NCAM2: variants seen among roughly 807,000 people sequenced by gnomAD.
NCAM2 encodes the protein N-CAM-2.
In NCAM2, 30 loss-of-function variants were observed where a neutral mutation model predicts 98.1. The observed-to-expected ratio is 0.31, with a 90% confidence interval of 0.23 to 0.41. The LOEUF (loss-of-function observed/expected upper bound fraction) is 0.41. Ranked by LOEUF, NCAM2 falls within the 10% of genes least tolerant of loss-of-function variation. The probability of loss-of-function intolerance (pLI) is 1.00; values close to 1 mark genes in which losing one functional copy is unlikely to be tolerated. For synonymous variants in NCAM2, 368 were observed against 342.4 expected, an observed-to-expected ratio of 1.07 and a Z score of -0.83; for missense variants, 867 against 1,005.8, an observed-to-expected ratio of 0.86 and a Z score of 1.87.
chr21:21,522,831 C>G (rs1335021907), intron 16 of NCAM2, among the ~76,000 whole-genome samples: 2 of 151,858 alleles, frequency 1.3e-5, no homozygotes, highest in Admixed American at 1.3e-4. Context: ...GGGGTTTCGC[C>G]ATGCTGGCCA....
At chr21:21,391,566 A>G (rs974818729) in intron 9 of NCAM2, among the ~76,000 whole-genome samples, 1 of 152,186 alleles carries the variant, frequency 6.6e-6, no homozygotes, top group Non-Finnish European at 1.5e-5. Flanking sequence ...TGATATTAAA[A>G]CATACATGAC....
At chr21:21,083,038 T>C (rs2065840698) in intron 1 of NCAM2, among the ~76,000 whole-genome samples, 1 of 152,348 alleles carries the variant, frequency 6.6e-6, no homozygotes, top group Non-Finnish European at 1.5e-5. Context: ...CAGAACAGAA[T>C]ATCTCTGTAA....
At chr21:21,138,327 T>G (rs2067101445) in intron 1 of NCAM2, among the ~76,000 whole-genome samples, 1 of 152,170 alleles carries the variant, frequency 6.6e-6, no homozygotes. Flanking sequence ...AACCTTGGTG[T>G]GATAGTAAAA....
chr21:21,215,723 C>T (rs555037182), intron 1 of NCAM2, among the ~76,000 whole-genome samples: 67 of 139,438 alleles, frequency 4.8e-4, no homozygotes, highest in African/African-American at 1.6e-3. Flanking sequence ...GCAAAGATTC[C>T]ATTTCAAAAA....
chr21:21,126,932 G>A (rs898906040), intron 1 of NCAM2, among the ~76,000 whole-genome samples: 1 of 151,834 alleles, frequency 6.6e-6, no homozygotes, highest in East Asian at 1.9e-4. Flanking sequence ...TACCTTCTAG[G>A]AGAAAAAGGT....
chr21:21,489,886 A>G (rs1039745065), intron 15 of NCAM2, among the ~76,000 whole-genome samples: 2 of 151,442 alleles, frequency 1.3e-5, no homozygotes, highest in Non-Finnish European at 3.0e-5. Context: ...GTATTATTCT[A>G]AAGTTAATAT....
At chr21:21,499,756 G>A (rs1316134187) in intron 15 of NCAM2, among the ~76,000 whole-genome samples, 1 of 152,026 alleles carries the variant, frequency 6.6e-6, no homozygotes, top group African/African-American at 2.4e-5. Flanking sequence ...GTACTTTCTT[G>A]CTTGAGCCTA....
intron 12 of NCAM2, among the ~76,000 whole-genome samples, chr21:21,452,964 TTATATATTATTA>T (rs1433704412): frequency 1.5e-4 from 5 of 32,552 alleles, no homozygotes; most frequent in Non-Finnish European, 2.3e-4. Flanking sequence ...ATATTATATA[TTATATATTATTA>T]TATATTATAT....
At chr21:21,036,414 C>T (rs545665615) in intron 1 of NCAM2, among the ~76,000 whole-genome samples, 62 of 152,238 alleles carry the variant, frequency 4.1e-4, no homozygotes, top group Non-Finnish European at 6.3e-4. Flanking sequence ...TTTCTTATCT[C>T]TTATGACACC....
chr21:21,375,065 A>T (rs2076001689), intron 9 of NCAM2, among the ~76,000 whole-genome samples: 1 of 151,596 alleles, frequency 6.6e-6, no homozygotes, highest in Non-Finnish European at 1.5e-5. Context: ...CTAATGCTAA[A>T]TGAGGAGTTA....
chr21:21,126,696 T>C (rs1420706777), intron 1 of NCAM2, among the ~76,000 whole-genome samples: 1 of 152,038 alleles, frequency 6.6e-6, no homozygotes. Context: ...GAGCTAATCT[T>C]ATGTTTTGTG....
At chr21:21,489,266 A>G (rs1231431446) in intron 15 of NCAM2, among the ~76,000 whole-genome samples, 1 of 152,196 alleles carries the variant, frequency 6.6e-6, no homozygotes, top group Admixed American at 6.5e-5. Flanking sequence ...ACATCCTGGA[A>G]TTACAGGCGT....
chr21:21,289,205 T>C (rs1027579835), intron 4 of NCAM2, among the ~76,000 whole-genome samples: 1 of 151,918 alleles, frequency 6.6e-6, no homozygotes, highest in African/African-American at 2.4e-5. Context: ...TATAACCTAC[T>C]TCTAGTATAA....
chr21:21,209,578 C>A (rs1002018208), intron 1 of NCAM2, among the ~76,000 whole-genome samples: 2 of 152,060 alleles, frequency 1.3e-5, no homozygotes, highest in Admixed American at 1.3e-4. Flanking sequence ...GGGAAAAGGG[C>A]AGGGAGACTT....
At chr21:21,126,236 T>TAAAAAAAAAA (rs778070776) in intron 1 of NCAM2, among the ~76,000 whole-genome samples, 15 of 97,540 alleles carry the variant, frequency 1.5e-4, no homozygotes, top group South Asian at 4.1e-4. Context: ...TCATGGAACA[T>TAAAAAAAAAA]AAAAAAAAAA....
chr21:21,403,286 TG>T (rs2076670615), intron 9 of NCAM2, among the ~76,000 whole-genome samples: 1 of 152,188 alleles, frequency 6.6e-6, no homozygotes, highest in Non-Finnish European at 1.5e-5. Context: ...AATCTTTCTC[TG>T]GGTTGCAGTT....
chr21:21,259,473 A>T (rs2071808449), intron 1 of NCAM2, among the ~76,000 whole-genome samples: 1 of 151,358 alleles, frequency 6.6e-6, no homozygotes, highest in African/African-American at 2.4e-5. Flanking sequence ...AGACCTCAGT[A>T]CACCTCAACA....
At chr21:21,184,844 T>G (rs910394343) in intron 1 of NCAM2, among the ~76,000 whole-genome samples, 21 of 151,390 alleles carry the variant, frequency 1.4e-4, no homozygotes, top group Admixed American at 1.1e-3. Flanking sequence ...ATTTTATTAT[T>G]TTGAAAGTTG....
chr21:21,189,634 G>T (rs149237814), intron 1 of NCAM2, among the ~76,000 whole-genome samples: 1 of 152,158 alleles, frequency 6.6e-6, no homozygotes, highest in Non-Finnish European at 1.5e-5. Context: ...ATAATTGAAA[G>T]TTAAGCAAGA....
Sources: gnomAD v4.1 joint callset for allele counts (sites outside exome capture counted in the v4.1 genomes callset) on GRCh38, gnomAD v4.1.1 for gene constraint, MANE v1.5 for transcripts, NCBI Gene and HGNC (gene_info 2026-07-23, HGNC 2026-07-21) for gene names.